Variants in EIF4G3 observed in about 807,000 individuals in gnomAD.
The protein encoded by EIF4G3 is eIF-4-gamma 3.
A neutral mutation model predicts 186.4 loss-of-function variants in EIF4G3; 34 were observed. The ratio of observed to expected loss-of-function variants is 0.18; its 90% CI spans 0.14 to 0.24. The LOEUF (loss-of-function observed/expected upper bound fraction) is 0.24. Among genes scored for constraint, EIF4G3 ranks in the 10% least tolerant of loss-of-function variants. The pLI, the probability that EIF4G3 is intolerant of heterozygous loss-of-function variation, is 1.00. For missense variants in EIF4G3, 1,536 were observed against 1,948.5 expected (o/e 0.79, Z 3.99); for synonymous variants, 673 against 679.5 (o/e 0.99, Z 0.15).
intron 3 of EIF4G3, among the ~76,000 whole-genome samples, chr1:21,088,681 A>G (rs2096074825): frequency 6.6e-6 from 1 of 152,096 alleles, no homozygotes; most frequent in Non-Finnish European, 1.5e-5. Context: ...CCTGGCCACC[A>G]CGGTGAAACC....
At chr1:20,925,763 C>A (rs1329857655) in intron 14 of EIF4G3, among the ~76,000 whole-genome samples, 2 of 152,160 alleles carry the variant, frequency 1.3e-5, no homozygotes, top group Non-Finnish European at 2.9e-5. Context: ...AACTCTGGGC[C>A]TCAAGTGATC....
chr1:21,010,933 C>T lies in EIF4G3; in HGVS notation c.-66-8125G>A, dbSNP rs552344837. Among the ~76,000 whole-genome samples the T allele has an allele frequency of 7.9e-5, 12 of 152,264 alleles. No homozygotes were observed. In the East Asian group the frequency reaches 1.9e-3, roughly 24 times the overall value. ...AAGCTACTGATTATCACAGTGTGGTCCACAGAGTCCTGGGCATCTCTGTAA... is the reference window on the plus strand; with the variant it reads ...AAGCTACTGATTATCACAGTGTGGTTCACAGAGTCCTGGGCATCTCTGTAA... On this transcript the variant is annotated intron_variant, in intron 4 of 36. Coordinates refer to ENST00000602326, the MANE Select transcript of EIF4G3 (RefSeq NM_001391906.1).
At chr1:21,064,019 T>A (rs906976345) in intron 3 of EIF4G3, among the ~76,000 whole-genome samples, 103 of 152,090 alleles carry the variant, frequency 6.8e-4, no homozygotes, top group African/African-American at 2.3e-3. Flanking sequence ...TGAGCCACCA[T>A]GCCCAGCCTC....
intron 11 of EIF4G3, among the ~76,000 whole-genome samples, chr1:20,972,601 C>T (rs2076112931): frequency 6.6e-6 from 1 of 151,838 alleles, no homozygotes; most frequent in African/African-American, 2.4e-5. Context: ...CGCCACTGCA[C>T]TCCAGCTTGG....
chr1:20,930,535 G>T (rs2154561045), intron 14 of EIF4G3, among the ~76,000 whole-genome samples: 1 of 152,260 alleles, frequency 6.6e-6, no homozygotes, highest in Non-Finnish European at 1.5e-5. Flanking sequence ...TGAGATTGCA[G>T]TAACTGAGTC....
intron 4 of EIF4G3, among the ~76,000 whole-genome samples, chr1:21,038,515 T>C (rs1252132946): frequency 6.6e-6 from 1 of 152,228 alleles, no homozygotes; most frequent in Non-Finnish European, 1.5e-5. Flanking sequence ...TTCCTGTCAG[T>C]TTCTTCTTCT....
At chr1:20,892,744 A>G (rs778735868) in intron 18 of EIF4G3, 1 of 1,498,036 alleles carries the variant, frequency 6.7e-7, no homozygotes, top group South Asian at 1.2e-5. Flanking sequence ...AGAAACAAAG[A>G]CAAAGACATG....
At position 20,917,481 on chromosome 1, in the gene EIF4G3, T is replaced by A. The variant is rs547080055; in HGVS notation, c.1664-12510A>T. Among the ~76,000 whole-genome samples the A allele has an allele frequency of 3.3e-5, 5 of 152,256 alleles. No homozygotes were observed. The South Asian group carries it at 1.0e-3, about 32-fold the overall frequency. On this transcript the variant is annotated intron_variant, in intron 14 of 36. Coordinates refer to ENST00000602326, the MANE Select transcript of EIF4G3 (RefSeq NM_001391906.1). ...GTGATCGTGCCACTGCATTCCAACC[T>A]AGGTAACAGAGTGAGACCCTATCTC... is the stretch of plus-strand genomic sequence containing the variant.
intron 20 of EIF4G3, among the ~76,000 whole-genome samples, chr1:20,866,012 G>A (rs2077481759): frequency 6.6e-6 from 1 of 152,124 alleles, no homozygotes; most frequent in Non-Finnish European, 1.5e-5. Context: ...CTGCAGCAGG[G>A]ATTCTACTAA....
intron 4 of EIF4G3, among the ~76,000 whole-genome samples, chr1:21,016,387 T>G (rs1012508416): frequency 6.6e-6 from 1 of 152,108 alleles, no homozygotes; most frequent in Non-Finnish European, 1.5e-5. Context: ...AGGCAGACTC[T>G]TAAAAAAGAT....
intron 16 of EIF4G3, among the ~76,000 whole-genome samples, chr1:20,896,137 T>C (rs534423208): frequency 9.2e-5 from 14 of 152,010 alleles, no homozygotes; most frequent in African/African-American, 3.4e-4. Flanking sequence ...ATTTTAAAAA[T>C]AGAAAAAAGC....
At chr1:20,991,544 G>A (rs1202210702) in intron 7 of EIF4G3, among the ~76,000 whole-genome samples, 1 of 151,372 alleles carries the variant, frequency 6.6e-6, no homozygotes, top group African/African-American at 2.4e-5. Flanking sequence ...CTCCAGCCTA[G>A]GTGACAGAGT....
At chr1:20,820,551 C>G (rs2062084195) in intron 33 of EIF4G3, among the ~76,000 whole-genome samples, 1 of 152,140 alleles carries the variant, frequency 6.6e-6, no homozygotes, top group Admixed American at 6.5e-5. Context: ...ACCCTCAGGC[C>G]AGGGAGGACC....
chr1:21,141,480 G>GAAAAAAA (rs1221266065), intron 2 of EIF4G3, among the ~76,000 whole-genome samples: 1 of 70,008 alleles, frequency 1.4e-5, no homozygotes, highest in African/African-American at 5.3e-5. Context: ...CCTACCAAGA[G>GAAAAAAA]AAAAAAAAAA....
chr1:21,047,147 G>T (rs1220146610), intron 4 of EIF4G3, among the ~76,000 whole-genome samples: 2 of 152,080 alleles, frequency 1.3e-5, no homozygotes, highest in Non-Finnish European at 2.9e-5. Context: ...CCTATGGTTT[G>T]ACTTCAAGCC....
At chr1:20,849,680 T>C (rs2072607347) in intron 28 of EIF4G3, 150 bp from the exon 29 acceptor site, 2 of 431,910 alleles carry the variant, frequency 4.6e-6, no homozygotes, top group Non-Finnish European at 8.3e-6. Context: ...AACCTTTTGT[T>C]TTAGAATAGA....
intron 3 of EIF4G3, among the ~76,000 whole-genome samples, chr1:21,086,227 T>C (rs1487200342): frequency 2.1e-5 from 2 of 93,190 alleles, no homozygotes; most frequent in Non-Finnish European, 4.2e-5. Flanking sequence ...TTTTTGAGGG[T>C]CTCACTCTGT....
intron 7 of EIF4G3, among the ~76,000 whole-genome samples, chr1:20,996,525 C>CA (rs1303651683): frequency 6.6e-6 from 1 of 152,120 alleles, no homozygotes; most frequent in Admixed American, 6.6e-5. Flanking sequence ...TTTTGAAAAA[C>CA]AGAGTCAGGT....
intron 20 of EIF4G3, among the ~76,000 whole-genome samples, chr1:20,872,385 C>G (rs1202948707): frequency 6.6e-6 from 1 of 152,100 alleles, no homozygotes; most frequent in Non-Finnish European, 1.5e-5. Flanking sequence ...CTTGACCTCC[C>G]CAACTGGGAT....
Sources: gnomAD v4.1 joint callset for allele counts (sites outside exome capture counted in the v4.1 genomes callset) on GRCh38, gnomAD v4.1.1 for gene constraint, MANE v1.5 for transcripts, NCBI Gene and HGNC (gene_info 2026-07-23, HGNC 2026-07-21) for gene names.